Variants in PKNOX2 observed in about 807,000 individuals in gnomAD.
PKNOX2 encodes the protein homeobox protein PKNOX2.
A neutral mutation model predicts 53.1 loss-of-function variants in PKNOX2; 14 were observed. The observed-to-expected ratio is 0.26, with a 90% CI of 0.17 to 0.41. The LOEUF is 0.41. Among genes scored for constraint, PKNOX2 ranks in the 10% least tolerant of loss-of-function variants. The pLI is 1.00. For synonymous variants in PKNOX2, 257 were observed against 242.8 expected, an observed-to-expected ratio of 1.06 and a Z score of -0.54; for missense variants, 496 against 602.8, an observed-to-expected ratio of 0.82 and a Z score of 1.85.
intron 7 of PKNOX2, among the ~76,000 whole-genome samples, chr11:125,405,772 T>C (rs979726131): frequency 3.9e-5 from 6 of 152,154 alleles, no homozygotes; most frequent in African/African-American, 1.4e-4. Context: ...CTTCTGAGTC[T>C]CAATCAACAG....
At chr11:125,241,014 T>A (rs908320949) in intron 2 of PKNOX2, among the ~76,000 whole-genome samples, 10 of 152,256 alleles carry the variant, frequency 6.6e-5, no homozygotes, top group South Asian at 2.1e-4. Context: ...TGGAGCCTAA[T>A]TAATGCTGCT....
intron 1 of PKNOX2, among the ~76,000 whole-genome samples, chr11:125,206,364 G>A (rs1449809701): frequency 3.3e-5 from 5 of 152,024 alleles, no homozygotes; most frequent in African/African-American, 1.2e-4. Flanking sequence ...GGGGTGTTAG[G>A]TAGAAAGATT....
intron 4 of PKNOX2, among the ~76,000 whole-genome samples, chr11:125,354,767 A>G (rs950145271): frequency 6.6e-6 from 1 of 152,122 alleles, no homozygotes; most frequent in Non-Finnish European, 1.5e-5. Flanking sequence ...AAAATGAGGG[A>G]GGCTTTTTTT....
chr11:125,224,246 C>A (rs1051560748), intron 1 of PKNOX2, among the ~76,000 whole-genome samples: 5 of 152,256 alleles, frequency 3.3e-5, no homozygotes, highest in Non-Finnish European at 7.3e-5. Flanking sequence ...GCCCATCCAG[C>A]CGGTGCCACC....
chr11:125,258,774 AG>A, intron 2 of PKNOX2: 1 of 256,340 alleles, frequency 3.9e-6, no homozygotes, highest in Non-Finnish European at 8.3e-6. Context: ...TGGCTGCCAG[AG>A]GGTGGATGAC....
At chr11:125,337,517 C>T (rs1225887993) in intron 3 of PKNOX2, among the ~76,000 whole-genome samples, 1 of 152,192 alleles carries the variant, frequency 6.6e-6, no homozygotes, top group Admixed American at 6.5e-5. Context: ...GCACCATCTC[C>T]TTGTTTCCGA....
At chr11:125,360,628 A>T (rs1203778062) in intron 4 of PKNOX2, among the ~76,000 whole-genome samples, 1 of 152,136 alleles carries the variant, frequency 6.6e-6, no homozygotes, top group Non-Finnish European at 1.5e-5. Context: ...CCTCCCAGGG[A>T]ATTTATGCAG....
chr11:125,366,805 T>A lies in PKNOX2; in HGVS notation c.88-1041T>A, dbSNP rs113516456. The stretch of plus-strand genomic sequence containing the variant: ...AACTTTGCAACTATAAAATATCTGA[T>A]TCTTTCAAGGCATATTAATTCATTT... On this transcript the variant is annotated intron_variant, in intron 4 of 12. Coordinates refer to ENST00000298282, the MANE Select transcript of PKNOX2 (RefSeq NM_001382323.2). Among the ~76,000 whole-genome samples the A allele has an allele frequency of 5.8e-4, 89 of 152,380 alleles. 1 individual carries two copies. The highest frequency in any genetic ancestry group is 1.8e-3 in the African/African-American group (73 of 41,592).
intron 1 of PKNOX2, among the ~76,000 whole-genome samples, chr11:125,174,644 A>G (rs61911006): frequency 1.3e-5 from 2 of 151,926 alleles, no homozygotes; most frequent in Non-Finnish European, 2.9e-5. Context: ...GGGTGGGAAG[A>G]TATATTGCAG....
intron 2 of PKNOX2, among the ~76,000 whole-genome samples, chr11:125,247,293 G>A (rs1943637223): frequency 6.6e-6 from 1 of 152,150 alleles, no homozygotes; most frequent in South Asian, 2.1e-4. Context: ...GTTTCCTGAT[G>A]AGGAGTGCCT....
At chr11:125,224,131 G>A (rs1270867945) in intron 1 of PKNOX2, among the ~76,000 whole-genome samples, 1 of 152,218 alleles carries the variant, frequency 6.6e-6, no homozygotes, top group Non-Finnish European at 1.5e-5. Flanking sequence ...TCTGATGGAT[G>A]TCTCAGGCGG....
At chr11:125,242,565 G>C (rs1053498773) in intron 2 of PKNOX2, among the ~76,000 whole-genome samples, 1 of 152,172 alleles carries the variant, frequency 6.6e-6, no homozygotes, top group African/African-American at 2.4e-5. Context: ...CCCAGCTGGT[G>C]GGGGGACATC....
intron 9 of PKNOX2, chr11:125,411,183 C>G (rs780036324): frequency 6.3e-6 from 2 of 319,820 alleles, no homozygotes; most frequent in East Asian, 1.4e-4. Flanking sequence ...GTAGAAAGAT[C>G]GGAAGTCAGA....
intron 1 of PKNOX2, among the ~76,000 whole-genome samples, chr11:125,221,659 C>T (rs1941165980): frequency 6.6e-6 from 1 of 152,102 alleles, no homozygotes; most frequent in South Asian, 2.1e-4. Context: ...TTATGGGCTG[C>T]ATATATTTAT....
chr11:125,390,922 T>G (rs1281026921), intron 6 of PKNOX2, among the ~76,000 whole-genome samples: 1 of 152,220 alleles, frequency 6.6e-6, no homozygotes, highest in Non-Finnish European at 1.5e-5. Context: ...TTTTTTCATG[T>G]CCCATTTTTT....
intron 2 of PKNOX2, among the ~76,000 whole-genome samples, chr11:125,317,444 A>G (rs1019835964): frequency 6.6e-6 from 1 of 152,274 alleles, no homozygotes; most frequent in African/African-American, 2.4e-5. Flanking sequence ...GTACTCTTAA[A>G]TAATAAGACA....
intron 5 of PKNOX2, among the ~76,000 whole-genome samples, chr11:125,372,861 A>G (rs1032042166): frequency 6.6e-6 from 1 of 152,230 alleles, no homozygotes; most frequent in Non-Finnish European, 1.5e-5. Context: ...TTCTACCCAC[A>G]TGGGACCACC....
chr11:125,392,875 T>G (rs1396524797), intron 6 of PKNOX2, among the ~76,000 whole-genome samples: 1 of 151,890 alleles, frequency 6.6e-6, no homozygotes, highest in Non-Finnish European at 1.5e-5. Context: ...AAGAGAAAGT[T>G]TGGCCGGGCG....
intron 6 of PKNOX2, among the ~76,000 whole-genome samples, chr11:125,396,685 G>A (rs2135450444): frequency 6.6e-6 from 1 of 151,990 alleles, no homozygotes; most frequent in East Asian, 1.9e-4. Context: ...TAGGAGACTG[G>A]TTAAGTATGG....
Sources: allele counts gnomAD v4.1 joint callset (sites outside exome capture counted in the v4.1 genomes callset), GRCh38; gene constraint gnomAD v4.1.1; transcripts MANE v1.5; gene names NCBI Gene and HGNC (gene_info 2026-07-23, HGNC 2026-07-21).